Variants in PPM1D observed in about 807,000 individuals in gnomAD.
PPM1D encodes the protein protein phosphatase, Mg2+/Mn2+ dependent 1D.
A neutral mutation model predicts 58.3 loss-of-function variants in PPM1D; 52 were observed. The ratio of observed to expected loss-of-function variants is 0.89; its 90% CI spans 0.71 to 1.12. The LOEUF is 1.12. Ranked by LOEUF, PPM1D falls within the 50% of genes most tolerant of loss-of-function variation. The pLI is 0.00. For missense variants in PPM1D, 564 were observed against 777.2 expected, an observed-to-expected ratio of 0.73 and a Z score of 3.26; for synonymous variants, 278 against 285.1, an observed-to-expected ratio of 0.98 and a Z score of 0.25.
intron 4 of PPM1D, 82 bp from the exon 5 acceptor site, chr17:60,656,517 A>C: frequency 6.6e-7 from 1 of 1,525,122 alleles, no homozygotes; most frequent in Non-Finnish European, 8.8e-7. Flanking sequence ...AGCGAACACC[A>C]AATATTTAAT....
intron 5 of PPM1D, 96 bp from the exon 6 acceptor site, chr17:60,662,899 C>A: frequency 8.3e-7 from 1 of 1,205,452 alleles, no homozygotes; most frequent in Non-Finnish European, 1.2e-6. Context: ...TTTTTGCCAT[C>A]CTACTAGCTT....
chr17:60,641,006 A>T (rs146522288), intron 3 of PPM1D, among the ~76,000 whole-genome samples: 14 of 151,432 alleles, frequency 9.2e-5, no homozygotes, highest in Admixed American at 2.0e-4. Flanking sequence ...TTCACTTTTG[A>T]TGGGCACCTA....
chr17:60,643,406 G>A (rs1463210192), intron 3 of PPM1D, among the ~76,000 whole-genome samples: 1 of 152,030 alleles, frequency 6.6e-6, no homozygotes, highest in Non-Finnish European at 1.5e-5. Context: ...TTTTGGGGTT[G>A]GGAAAGAAGA....
chr17:60,650,006 C>T (rs2031315119), intron 4 of PPM1D, among the ~76,000 whole-genome samples: 1 of 152,006 alleles, frequency 6.6e-6, no homozygotes, highest in Non-Finnish European at 1.5e-5. Flanking sequence ...ATTTCAATGG[C>T]ATAAAGACAA....
chr17:60,633,810 AT>A (rs1159860455), intron 2 of PPM1D, 42 bp from the exon 3 acceptor site: 4 of 1,519,390 alleles, frequency 2.6e-6, no homozygotes, highest in Non-Finnish European at 3.6e-6. Flanking sequence ...TAGTTGTTGT[AT>A]TTTAATCATT....
chr17:60,607,377 G>T (rs568990028), intron 1 of PPM1D, among the ~76,000 whole-genome samples: 1 of 152,088 alleles, frequency 6.6e-6, no homozygotes, highest in Non-Finnish European at 1.5e-5. Flanking sequence ...CCACCTCCCG[G>T]GTTCAAGCGA....
In PPM1D at chr17:60,663,168, C is replaced by A. The variant is rs146477590; in HGVS notation, c.1434C>A (p.Cys478Ter). The A allele has an allele frequency of 9.3e-6, 15 of 1,613,934 alleles. No individual in the cohort carries two copies. The highest frequency in any genetic ancestry group is 2.2e-5 in the East Asian group (1 of 44,888). ...ATCCAGAACCACTTGAAGAAAATTGCGCTAAAGCCCTGACTTTAAGGATAC... is the reference window on the plus strand; with the variant it reads ...ATCCAGAACCACTTGAAGAAAATTGAGCTAAAGCCCTGACTTTAAGGATAC... ...SKDPEPLEEN[C>*]AKALTLRIHD... Residue 478 changes from cysteine to a stop codon, truncating the protein, a stop_gained, in exon 6 of 6, where the codon TGC becomes TGA. Transcript: ENST00000305921. LOFTEE classifies it high-confidence loss of function.
At chr17:60,623,773 T>A in intron 2 of PPM1D, 24 bp downstream of exon 2, 1 of 1,607,438 alleles carries the variant, frequency 6.2e-7, no homozygotes, top group Non-Finnish European at 8.5e-7. Flanking sequence ...GTTTTCTCTT[T>A]CCTCTTTTGG....
intron 1 of PPM1D, among the ~76,000 whole-genome samples, chr17:60,609,703 G>A (rs2030414800): frequency 6.6e-6 from 1 of 152,054 alleles, no homozygotes; most frequent in Non-Finnish European, 1.5e-5. Flanking sequence ...GCCATCTTGG[G>A]TGTGGTTATC....
intron 1 of PPM1D, 131 bp downstream of exon 1, chr17:60,601,017 C>T (rs1034717657): frequency 7.5e-7 from 1 of 1,338,296 alleles, no homozygotes; most frequent in Non-Finnish European, 1.0e-6. Flanking sequence ...TGACTAAAAG[C>T]TGTAATAGCG....
At chr17:60,645,995 C>T (rs1002730019) in intron 3 of PPM1D, among the ~76,000 whole-genome samples, 40 of 152,002 alleles carry the variant, frequency 2.6e-4, no homozygotes, top group African/African-American at 9.2e-4. Flanking sequence ...AATAAATTAG[C>T]TGGGCCTGTT....
chr17:60,664,672 C>T lies in PPM1D; in HGVS notation c.*1120C>T, dbSNP rs2031587156. 6.6e-6 allele frequency: 1 copy of T among 152,200 alleles called. No individual in the cohort carries two copies. The highest frequency in any genetic ancestry group is 1.5e-5 in the Non-Finnish European group (1 of 68,048). The allele number at this position is 152,200 out of a possible 1,614,324, so 9.4% of individuals were successfully genotyped here. On this transcript the variant is annotated 3_prime_UTR_variant, in exon 6 of 6. Coordinates refer to ENST00000305921, the MANE Select transcript of PPM1D (RefSeq NM_003620.4). ...TGAGCATTTCCTTTGAGCATCATGC[C>T]TGCTCTGAAAAAGTTTCTGATTCTG...
chr17:60,664,698 G>C lies in PPM1D; in HGVS notation c.*1146G>C, dbSNP rs2031587550. On this transcript the variant is annotated 3_prime_UTR_variant, in exon 6 of 6. Coordinates refer to ENST00000305921, the MANE Select transcript of PPM1D (RefSeq NM_003620.4). ...TGCTCTGAAAAAGTTTCTGATTCTG[G>C]AGCATTTTGGATTTTGGATTTTCAG... 1 of 152,164 alleles carries C rather than the reference G, an allele frequency of 6.6e-6. No homozygotes were observed. Among genetic ancestry groups the C allele is most frequent in the Non-Finnish European group, 1.5e-5 (1 of 68,044 alleles). 9.4% of individuals were successfully genotyped at this position (152,164 alleles called of 1,614,324 possible).
chr17:60,654,742 C>T (rs1429658320), intron 4 of PPM1D, among the ~76,000 whole-genome samples: 1 of 151,544 alleles, frequency 6.6e-6, no homozygotes, highest in Non-Finnish European at 1.5e-5. Flanking sequence ...GTGGCAGGTG[C>T]CTGTAATCCC....
At position 60,663,078 on chromosome 17, in the gene PPM1D, T is replaced by C; in HGVS notation, c.1344T>C (p.Asn448=). Residue 448 remains asparagine, a synonymous_variant, in exon 6 of 6, where the codon AAT becomes AAC. Transcript: ENST00000305921. Reference sequence around the variant, plus strand: ...TTCGTAGCAATGCCTTCTCAGAGAATTTTTTAGAGGTTTCAGCTGAGATAG... The same window carrying C: ...TTCGTAGCAATGCCTTCTCAGAGAACTTTTTAGAGGTTTCAGCTGAGATAG... The part of the protein sequence containing the change: ...ALVRSNAFSE[N]FLEVSAEIAR... 1.9e-6 allele frequency: 3 copies of C among 1,614,024 alleles called. No individual in the cohort carries two copies. Among genetic ancestry groups the C allele is most frequent in the Non-Finnish European group, 2.5e-6 (3 of 1,179,888 alleles).
rs143767188 is a variant in PPM1D, at chr17:60,620,541, T to G, written c.473-2980T>G. 5.6e-3 allele frequency among the ~76,000 whole-genome samples: 845 copies of G among 152,248 alleles called. 8 individuals carry two copies. The highest frequency in any genetic ancestry group is 0.019 in the African/African-American group (778 of 41,540). On this transcript the variant is annotated intron_variant, in intron 1 of 5. Coordinates refer to ENST00000305921, the MANE Select transcript of PPM1D (RefSeq NM_003620.4). ...GTTTTTTTTGTTTGTTTGTTTGTTTTTTTGAGACAGAGTCTCGCTGTACTA... is the reference window on the plus strand; with the variant it reads ...GTTTTTTTTGTTTGTTTGTTTGTTTGTTTGAGACAGAGTCTCGCTGTACTA...
Position 60,663,750 on chromosome 17 carries a change from G to A in PPM1D, c.*198G>A, listed in dbSNP as rs1307768658. On this transcript the variant is annotated 3_prime_UTR_variant, in exon 6 of 6. Transcript: ENST00000305921. ...GGATTTTGTAGATGTTAGGGTATAA[G>A]TTGCTGTAAAATTTGTGTAAATTTG... 11 of 586,832 alleles carry A rather than the reference G, an allele frequency of 1.9e-5. No individual in the cohort carries two copies. In the East Asian group the frequency reaches 2.7e-4, roughly 15 times the overall value. 36.4% of individuals were successfully genotyped at this position (586,832 alleles called of 1,614,324 possible).
At chr17:60,656,471 A>G in intron 4 of PPM1D, 128 bp from the exon 5 acceptor site, 1 of 1,326,984 alleles carries the variant, frequency 7.5e-7, no homozygotes, top group Non-Finnish European at 1.0e-6. Flanking sequence ...AAAAAGAGAA[A>G]AGAAAAAAAA....
intron 1 of PPM1D, among the ~76,000 whole-genome samples, chr17:60,601,174 A>C (rs1377675618): frequency 1.3e-5 from 2 of 152,218 alleles, no homozygotes; most frequent in Non-Finnish European, 2.9e-5. Flanking sequence ...TTTGGTGGCA[A>C]CCAGAGGAAA....
Sources: gnomAD v4.1 joint callset for allele counts (sites outside exome capture counted in the v4.1 genomes callset) on GRCh38, gnomAD v4.1.1 for gene constraint, MANE v1.5 for transcripts, NCBI Gene and HGNC (gene_info 2026-07-23, HGNC 2026-07-21) for gene names.